The following ANKRD6 variants were observed in gnomAD, a reference collection of about 807,000 sequenced individuals.
The protein encoded by ANKRD6 is ankyrin repeat domain-containing protein 6.
A neutral mutation model predicts 82.3 loss-of-function variants in ANKRD6; 56 were observed. The ratio of observed to expected loss-of-function variants is 0.68; its 90% CI spans 0.55 to 0.85. The LOEUF (loss-of-function observed/expected upper bound fraction) is 0.85, where lower values mean the gene tolerates loss of function less well. Ranked by LOEUF, ANKRD6 falls within the 40% of genes least tolerant of loss-of-function variation. ANKRD6 has a pLI of 0.00. For missense variants in ANKRD6, 852 were observed against 907.6 expected, an observed-to-expected ratio of 0.94 and a Z score of 0.79; for synonymous variants, 347 against 352.1, an observed-to-expected ratio of 0.99 and a Z score of 0.16.
At chr6:89,614,026 C>G (rs1800881463) in intron 7 of ANKRD6, 136 bp downstream of exon 7, 2 of 790,560 alleles carry the variant, frequency 2.5e-6, no homozygotes, top group Non-Finnish European at 4.0e-6. Context: ...CAGCAGTGGG[C>G]TTTGCATGGG....
In ANKRD6 at chr6:89,433,996, G is replaced by C. The variant is rs1770301900; in HGVS notation, c.-144+621G>C. Among the ~76,000 whole-genome samples the C allele has an allele frequency of 6.6e-6, 1 of 152,204 alleles. No individual in the cohort carries two copies. Among genetic ancestry groups the C allele is most frequent in the Non-Finnish European group, 1.5e-5 (1 of 68,038 alleles). Reference sequence around the variant, plus strand: ...AAGTGTGTTGCTTCCGGTAGATCTCGGGGACTGGAGGGGAAGTGCAGCATT... The same window carrying C: ...AAGTGTGTTGCTTCCGGTAGATCTCCGGGACTGGAGGGGAAGTGCAGCATT... On this transcript the variant is annotated intron_variant, in intron 1 of 15. Transcript: ENST00000339746. This position sits in a 1 kb window ranked among gnomAD's most constrained non-coding sequence, Gnocchi z 4.3.
intron 9 of ANKRD6, 116 bp downstream of exon 9, chr6:89,618,147 A>G: frequency 8.6e-7 from 1 of 1,162,522 alleles, no homozygotes; most frequent in Non-Finnish European, 1.3e-6. Flanking sequence ...GAATGTAACC[A>G]GGCAGTGGAG....
chr6:89,482,584 C>T (rs1477026317), intron 1 of ANKRD6, among the ~76,000 whole-genome samples: 4 of 151,156 alleles, frequency 2.6e-5, no homozygotes, highest in African/African-American at 7.3e-5. Context: ...AGGCTACCCT[C>T]TCCCCAGTCC....
intron 1 of ANKRD6, among the ~76,000 whole-genome samples, chr6:89,482,941 G>A (rs1316978220): frequency 6.6e-6 from 1 of 152,184 alleles, no homozygotes; most frequent in Non-Finnish European, 1.5e-5. Flanking sequence ...CTAAAATTGA[G>A]TTTGTTAACT....
At chr6:89,488,100 T>G (rs1226918649) in intron 1 of ANKRD6, among the ~76,000 whole-genome samples, 1 of 152,172 alleles carries the variant, frequency 6.6e-6, no homozygotes, top group Non-Finnish European at 1.5e-5. Context: ...GGTGACTCAA[T>G]TCTCCCACCT....
intron 1 of ANKRD6, among the ~76,000 whole-genome samples, chr6:89,481,648 G>A (rs1020923747): frequency 2.0e-4 from 31 of 152,222 alleles, no homozygotes; most frequent in African/African-American, 7.5e-4. Flanking sequence ...AATGTTATTA[G>A]CAATAGTGAT....
intron 1 of ANKRD6, among the ~76,000 whole-genome samples, chr6:89,538,401 A>G (rs1784101413): frequency 1.3e-5 from 2 of 152,240 alleles, no homozygotes. Context: ...GCACATGAGC[A>G]TCATCATCGG....
chr6:89,480,971 A>C (rs1442924334), intron 1 of ANKRD6, among the ~76,000 whole-genome samples: 1 of 151,028 alleles, frequency 6.6e-6, no homozygotes, highest in African/African-American at 2.4e-5. Flanking sequence ...GAAGAAGAAG[A>C]AGCAAAGTTA....
At chr6:89,495,512 T>C (rs1226676139) in intron 1 of ANKRD6, among the ~76,000 whole-genome samples, 1 of 152,182 alleles carries the variant, frequency 6.6e-6, no homozygotes, top group Non-Finnish European at 1.5e-5. Context: ...GTGTTGTGTC[T>C]GGGACTCTGA....
At position 89,629,205 on chromosome 6, in the gene ANKRD6, A is replaced by G. The variant is rs1423103555; in HGVS notation, c.1579A>G (p.Lys527Glu). The G allele has an allele frequency of 6.2e-7, 1 of 1,613,864 alleles. No homozygotes were observed. Among genetic ancestry groups the G allele is most frequent in the Admixed American group, 1.7e-5 (1 of 60,008 alleles). ...TGGAGATTCTAGGGCCTGCAGAGCT[A>G]AATCCACACCATCTACTTGTGAGTC... ...LSGDSRACRA[K>E]STPSTCESST... Residue 527 changes from lysine (K) to glutamate (E), a missense_variant, in exon 15 of 16, where the codon AAA becomes GAA. Physicochemically the swap from Lys to Glu is moderately conservative, Grantham distance 56 (BLOSUM62 1). Transcript: ENST00000339746.
intron 1 of ANKRD6, among the ~76,000 whole-genome samples, chr6:89,527,644 C>G (rs377053023): frequency 1.5e-4 from 16 of 104,092 alleles, no homozygotes; most frequent in Non-Finnish European, 2.5e-4. Context: ...AAAAGAAAAA[C>G]AAACTTTTGC....
intron 1 of ANKRD6, among the ~76,000 whole-genome samples, chr6:89,554,446 C>CT (rs11484125): frequency 0.71 from 106,643 of 149,490 alleles, 38,221 homozygotes; most frequent in Admixed American, 0.75. Flanking sequence ...TTAATCACGT[C>CT]TTTTTTTTTT....
chr6:89,607,232 G>A (rs2128196329), intron 5 of ANKRD6, among the ~76,000 whole-genome samples: 1 of 151,116 alleles, frequency 6.6e-6, no homozygotes. Flanking sequence ...TCCTAAAAAG[G>A]TAATAAAACC....
At chr6:89,571,432 C>A (rs1000522450) in intron 2 of ANKRD6, among the ~76,000 whole-genome samples, 1 of 152,010 alleles carries the variant, frequency 6.6e-6, no homozygotes, top group African/African-American at 2.4e-5. Flanking sequence ...TGCTTGTTTG[C>A]CATTTGTGTA....
rs1382516262 is a variant in ANKRD6 at position 89,523,150 on chromosome 6, G to T, written c.-143-43684G>T. On this transcript the variant is annotated intron_variant, in intron 1 of 15. Coordinates refer to ENST00000339746, the MANE Select transcript of ANKRD6 (RefSeq NM_001242809.2). ...AATGTGTGCCAAAGTGTATTGGGTT[G>T]TAGGCCTCAGAAAAGGGTGTTTAAG... is the stretch of plus-strand genomic sequence containing the variant. Among the ~76,000 whole-genome samples, 3 of 152,322 alleles carry T rather than the reference G, an allele frequency of 2.0e-5. No homozygotes were observed. The East Asian group carries it at 5.8e-4, about 29-fold the overall frequency.
At chr6:89,522,602 T>C (rs1782016792) in intron 1 of ANKRD6, among the ~76,000 whole-genome samples, 1 of 152,188 alleles carries the variant, frequency 6.6e-6, no homozygotes, top group South Asian at 2.1e-4. Context: ...TCTAGTTCAC[T>C]TTGACAGTGA....
chr6:89,631,149 C>T lies in ANKRD6; in HGVS notation c.*145C>T, dbSNP rs1807324326. On this transcript the variant is annotated 3_prime_UTR_variant, in exon 16 of 16. Coordinates refer to ENST00000339746, the MANE Select transcript of ANKRD6 (RefSeq NM_001242809.2). ...CACTAATTCTACAATGTGCCAGATA[C>T]ATGTTTCCTATGCCCAGGAAGTTAT... The T allele has an allele frequency of 2.2e-6, 3 of 1,350,440 alleles. No individual in the cohort carries two copies. The highest frequency in any genetic ancestry group is 1.9e-6 in the Non-Finnish European group (2 of 1,042,306). The allele number at this position is 1,350,440 out of a possible 1,614,324, so 83.7% of individuals were successfully genotyped here.
chr6:89,593,573 A>C (rs926384352), intron 2 of ANKRD6, among the ~76,000 whole-genome samples: 3 of 152,164 alleles, frequency 2.0e-5, no homozygotes, highest in Non-Finnish European at 4.4e-5. Context: ...GTCACATTTC[A>C]TGGGGAGAAA....
Position 89,613,905 on chromosome 6 carries a change from T to A in ANKRD6, c.615+15T>A. ...AAAAGAACCAGGTCAGTGCATGTATTCTCTTCATGGCTGCCAGCACCCTTC... is the reference window on the plus strand; with the variant it reads ...AAAAGAACCAGGTCAGTGCATGTATACTCTTCATGGCTGCCAGCACCCTTC... On this transcript the variant is annotated intron_variant, in intron 7 of 15. Transcript: ENST00000339746. 6.2e-7 allele frequency: 1 copy of A among 1,612,356 alleles called. No homozygotes were observed. The highest frequency in any genetic ancestry group is 8.5e-7 in the Non-Finnish European group (1 of 1,178,912).
Sources: gnomAD v4.1 joint callset for allele counts (sites outside exome capture counted in the v4.1 genomes callset) on GRCh38, gnomAD v4.1.1 for gene constraint, Gnocchi (gnomAD v3.1) non-coding constraint, MANE v1.5 for transcripts, NCBI Gene and HGNC (gene_info 2026-07-23, HGNC 2026-07-21) for gene names.